Variants in MYO15B observed in about 807,000 individuals in gnomAD.
MYO15B encodes myosin XVB pseudogene.
A neutral mutation model predicts 119.3 loss-of-function variants in MYO15B; 207 were observed. The ratio of observed to expected loss-of-function variants is 1.73; its 90% CI spans 1.55 to 1.95. MYO15B has a LOEUF of 1.95. Ranked by LOEUF, MYO15B falls within the 30% of genes most tolerant of loss-of-function variation. The pLI is 0.00. For missense variants in MYO15B, 2,264 were observed against 1,203.1 expected, an observed-to-expected ratio of 1.88 and a Z score of -13.04; for synonymous variants, 966 against 498.9, an observed-to-expected ratio of 1.94 and a Z score of -12.48.
exon 62 of MYO15B, chr17:75,625,905 G>A (rs2059022395): frequency 4.3e-6 from 3 of 702,840 alleles, no homozygotes; most frequent in South Asian, 3.0e-5. Context: ...GAGTGAGCAT[G>A]CAGGCCCTGT....
At chr17:75,604,684 C>T (rs1404639899) in intron 19 of MYO15B, among the ~76,000 whole-genome samples, 1 of 151,644 alleles carries the variant, frequency 6.6e-6, no homozygotes, top group African/African-American at 2.4e-5. Context: ...ACCATGTTCA[C>T]CTGTTCTCCC....
exon 26 of MYO15B, chr17:75,612,871 G>A (rs1461333297): frequency 1.4e-5 from 10 of 702,504 alleles, no homozygotes; most frequent in Admixed American, 1.0e-4. Flanking sequence ...AACCCTCAGC[G>A]TGCCCTGGAC....
Position 75,614,755 on chromosome 17 carries a change from C to G in MYO15B, c.5483-18C>G. The G allele has an allele frequency of 1.4e-6, 1 of 702,832 alleles. No homozygotes were observed. Among genetic ancestry groups the G allele is most frequent in the Non-Finnish European group, 2.6e-6 (1 of 385,000 alleles). 43.5% of individuals were successfully genotyped at this position (702,832 alleles called of 1,614,324 possible). ...CCACGCCCCGGGCCATGGCTCCAAC[C>G]CTCTCCCTGCCCCACAGGGGAGGTC... On this transcript the variant is annotated intron_variant, in intron 31 of 63. Coordinates refer to ENST00000645453, the Ensembl canonical transcript of MYO15B.
intron 43 of MYO15B, among the ~76,000 whole-genome samples, chr17:75,618,573 C>T (rs749743593): frequency 1.3e-5 from 2 of 152,168 alleles, no homozygotes; most frequent in African/African-American, 2.4e-5. Context: ...TGCTTGAACC[C>T]GGGAGGCAGA....
At chr17:75,597,627 T>TA (rs889229538) in intron 14 of MYO15B, among the ~76,000 whole-genome samples, 19 of 152,312 alleles carry the variant, frequency 1.2e-4, no homozygotes, top group African/African-American at 4.6e-4. Flanking sequence ...AATGTTCATT[T>TA]AAAAAAACAG....
exon 36 of MYO15B, chr17:75,615,742 TGCAGCAGCG>T (rs774555676): frequency 1.4e-6 from 1 of 699,852 alleles, no homozygotes; most frequent in South Asian, 1.5e-5. Flanking sequence ...GAGCAGCAGA[TGCAGCAGCG>T]GCAGCAGCAG....
intron 21 of MYO15B, among the ~76,000 whole-genome samples, chr17:75,609,170 C>T (rs1038594210): frequency 2.0e-5 from 3 of 151,970 alleles, no homozygotes; most frequent in Non-Finnish European, 2.9e-5. Flanking sequence ...AGCCATTGCA[C>T]CCGACCAGTG....
intron 59 of MYO15B, 46 bp downstream of exon 59, chr17:75,624,962 G>C (rs2058941387): frequency 1.4e-6 from 1 of 694,896 alleles, no homozygotes; most frequent in African/African-American, 1.7e-5. Flanking sequence ...TGAGGGCGCG[G>C]CTTCCTGCCT....
At chr17:75,591,096 G>C (rs145458638) in intron 3 of MYO15B, 76 bp from the exon 4 acceptor site, 1 of 697,242 alleles carries the variant, frequency 1.4e-6, no homozygotes, top group African/African-American at 1.7e-5. Flanking sequence ...CTGAGGTCCC[G>C]GGGCCTGTGA....
At chr17:75,616,673 C>A (rs780611895) in exon 39 of MYO15B, 3 of 702,806 alleles carry the variant, frequency 4.3e-6, no homozygotes, top group African/African-American at 1.7e-5. Context: ...GACTGTGGTG[C>A]GCAGCTCAGA....
intron 22 of MYO15B, 151 bp from the exon 23 acceptor site, chr17:75,610,749 C>T: frequency 1.6e-6 from 1 of 629,142 alleles, no homozygotes; most frequent in South Asian, 1.8e-5. Context: ...CCCTGGAGGG[C>T]CAGGGGTGGC....
At chr17:75,601,632 C>A in intron 15 of MYO15B, 69 bp downstream of exon 15, 2 of 674,566 alleles carry the variant, frequency 3.0e-6, no homozygotes, top group South Asian at 1.6e-5. Flanking sequence ...CTGAGTCACC[C>A]GACAGCGGAG....
chr17:75,621,426 AG>A lies in MYO15B; in HGVS notation c.7935+22del. The A allele has an allele frequency of 1.4e-6, 1 of 699,600 alleles. No homozygotes were observed. The highest frequency in any genetic ancestry group is 2.6e-6 in the Non-Finnish European group (1 of 382,410). 43.3% of individuals were successfully genotyped at this position (699,600 alleles called of 1,614,324 possible). A position where few individuals can be genotyped will look rare whatever the true frequency, so the allele number is the denominator to read the frequency against. ...ACACCAAGGTGGGAGAGAGGCAGGG[AG>A]GGGTCTGGCCCGTAGATCTGCCCTC... is the stretch of plus-strand genomic sequence containing the variant. On this transcript the variant is annotated intron_variant, in intron 51 of 63. Coordinates refer to ENST00000645453, the Ensembl canonical transcript of MYO15B.
exon 13 of MYO15B, chr17:75,596,524 TCTC>T (rs746178297): frequency 1.7e-5 from 12 of 703,006 alleles, no homozygotes; most frequent in African/African-American, 1.4e-4. Flanking sequence ...CTACAGCTCT[TCTC>T]CAGCCAGATG....
At position 75,591,727 on chromosome 17, in the gene MYO15B, G is replaced by A. The variant is rs1401274849; in HGVS notation, c.2547+15G>A. ...GAGAGTGTCAGGTGAGGGCCAGGCT[G>A]GAGGTACCTCATGGGTTGAGCTGGC... On this transcript the variant is annotated intron_variant, in intron 5 of 63. Transcript: ENST00000645453. The A allele has an allele frequency of 2.8e-6, 2 of 702,920 alleles. No individual in the cohort carries two copies. The highest frequency in any genetic ancestry group is 1.5e-5 in the South Asian group (1 of 67,598). 43.5% of individuals were successfully genotyped at this position (702,920 alleles called of 1,614,324 possible).
chr17:75,612,482 G>A (rs2058088090), intron 25 of MYO15B, among the ~76,000 whole-genome samples: 1 of 152,084 alleles, frequency 6.6e-6, no homozygotes, highest in Non-Finnish European at 1.5e-5. Context: ...AGACCGGCCT[G>A]GCCAACATGG....
intron 43 of MYO15B, 66 bp from the exon 44 acceptor site, chr17:75,619,077 G>A: frequency 1.4e-6 from 1 of 700,944 alleles, no homozygotes; most frequent in Admixed American, 2.0e-5. Context: ...TCATGCATGT[G>A]GATGGCTGCT....
chr17:75,620,075 A>G, intron 47 of MYO15B, 55 bp downstream of exon 47: 1 of 677,888 alleles, frequency 1.5e-6, no homozygotes, highest in Non-Finnish European at 2.7e-6. Flanking sequence ...CCGATGCTGC[A>G]TCTCCCTGTC....
At chr17:75,618,311 T>G in intron 43 of MYO15B, 126 bp downstream of exon 43, 2 of 652,572 alleles carry the variant, frequency 3.1e-6, no homozygotes, top group Non-Finnish European at 2.8e-6. Flanking sequence ...TGGGGGGCAC[T>G]TCTGTGTGCC....
Sources: gnomAD v4.1 joint callset for allele counts (sites outside exome capture counted in the v4.1 genomes callset) on GRCh38, gnomAD v4.1.1 for gene constraint, MANE v1.5 for transcripts, NCBI Gene and HGNC (gene_info 2026-07-23, HGNC 2026-07-21) for gene names.